The following MLIP variants were observed in gnomAD, a reference collection of about 807,000 sequenced individuals.
The protein encoded by MLIP is muscular LMNA-interacting protein.
In MLIP, 79 loss-of-function variants were observed where a neutral mutation model predicts 84.8. The ratio of observed to expected loss-of-function variants is 0.93; its 90% confidence interval spans 0.78 to 1.12. The LOEUF is 1.12. MLIP is among the 50% of genes most tolerant of loss of function. The pLI, the probability that MLIP is intolerant of heterozygous loss-of-function variation, is 0.00. For missense variants in MLIP, 1,257 were observed against 1,160.6 expected (o/e 1.08, Z -1.21); for synonymous variants, 504 against 463.0 (o/e 1.09, Z -1.14).
At chr6:54,187,561 C>A (rs569812130) in intron 9 of MLIP, among the ~76,000 whole-genome samples, 3 of 152,116 alleles carry the variant, frequency 2.0e-5, no homozygotes, top group Non-Finnish European at 4.4e-5. Flanking sequence ...ACTTCAATTG[C>A]CATGTTAAAC....
intron 1 of MLIP, among the ~76,000 whole-genome samples, chr6:54,069,618 T>C (rs9395901): frequency 0.15 from 14,579 of 98,772 alleles, 5,285 homozygotes; most frequent in East Asian, 0.63. Flanking sequence ...GTAAGTGTTA[T>C]ATAAAGAGTT....
chr6:54,153,301 C>A (rs1019313235), intron 5 of MLIP, among the ~76,000 whole-genome samples: 9 of 152,078 alleles, frequency 5.9e-5, no homozygotes, highest in African/African-American at 2.2e-4. Context: ...TGTCAACTGT[C>A]AAGTCTATTT....
chr6:54,101,328 TTACTC>T (rs1478602761), intron 1 of MLIP, among the ~76,000 whole-genome samples: 1 of 152,100 alleles, frequency 6.6e-6, no homozygotes, highest in Non-Finnish European at 1.5e-5. Context: ...TCTCATACAT[TTACTC>T]TACCCTAAAA....
intron 11 of MLIP, among the ~76,000 whole-genome samples, chr6:54,214,490 C>G (rs760361270): frequency 8.5e-5 from 13 of 152,192 alleles, no homozygotes; most frequent in African/African-American, 1.2e-4. Context: ...CCTATTGAGA[C>G]TTCTGTTCTT....
chr6:54,236,422 G>A (rs1211972535), intron 12 of MLIP, among the ~76,000 whole-genome samples: 1 of 152,164 alleles, frequency 6.6e-6, no homozygotes, highest in Non-Finnish European at 1.5e-5. Flanking sequence ...CCAACATGGT[G>A]AAACCACGTC....
intron 4 of MLIP, among the ~76,000 whole-genome samples, chr6:54,140,841 T>G (rs551489994): frequency 6.6e-6 from 1 of 152,304 alleles, no homozygotes; most frequent in Admixed American, 6.5e-5. Flanking sequence ...TAGGAAGAAA[T>G]AGACAAATGC....
intron 1 of MLIP, among the ~76,000 whole-genome samples, chr6:54,119,576 A>G (rs926325668): frequency 3.3e-5 from 5 of 152,202 alleles, no homozygotes; most frequent in African/African-American, 9.6e-5. Flanking sequence ...TGGTCAAAAT[A>G]TATATAATTA....
At chr6:54,265,474 G>A (rs1232160801) in intron 13 of MLIP, among the ~76,000 whole-genome samples, 1 of 152,072 alleles carries the variant, frequency 6.6e-6, no homozygotes, top group Non-Finnish European at 1.5e-5. Context: ...ATTTGGTCTT[G>A]GTCTTTTGTA....
intron 11 of MLIP, among the ~76,000 whole-genome samples, chr6:54,210,137 T>TCACCTCACCTCACCTCACCG (rs1554185042): frequency 8.6e-5 from 13 of 151,846 alleles, no homozygotes; most frequent in South Asian, 2.1e-4. Context: ...CCACCTCACC[T>TCACCTCACCTCACCTCACCG]CACCGCACCG....
At chr6:54,129,738 A>T (rs1022920280) in intron 3 of MLIP, among the ~76,000 whole-genome samples, 3 of 152,198 alleles carry the variant, frequency 2.0e-5, no homozygotes, top group Admixed American at 1.3e-4. Flanking sequence ...CATTTATATT[A>T]AGAAGCTGGG....
chr6:54,062,728 T>C (rs1187673330), intron 1 of MLIP, among the ~76,000 whole-genome samples: 1 of 150,646 alleles, frequency 6.6e-6, no homozygotes, highest in African/African-American at 2.5e-5. Context: ...TTTTTTAATT[T>C]TTTAAAATAA....
At chr6:54,154,313 G>A (rs961991103) in intron 5 of MLIP, among the ~76,000 whole-genome samples, 1 of 152,030 alleles carries the variant, frequency 6.6e-6, no homozygotes, top group African/African-American at 2.4e-5. Context: ...AAATAGCAAA[G>A]GATCTTTCTT....
intron 12 of MLIP, among the ~76,000 whole-genome samples, chr6:54,244,027 A>T (rs1781912014): frequency 6.6e-6 from 1 of 152,188 alleles, no homozygotes; most frequent in Non-Finnish European, 1.5e-5. Flanking sequence ...TGGCTAACAG[A>T]ACCACTAAAC....
chr6:54,062,094 A>G (rs1056011912), intron 1 of MLIP, among the ~76,000 whole-genome samples: 4 of 152,246 alleles, frequency 2.6e-5, no homozygotes, highest in Non-Finnish European at 5.9e-5. Context: ...AGGTAATAGC[A>G]TATGGAAACA....
intron 11 of MLIP, among the ~76,000 whole-genome samples, chr6:54,223,947 G>A (rs1309188088): frequency 6.6e-6 from 1 of 151,764 alleles, no homozygotes; most frequent in Non-Finnish European, 1.5e-5. Context: ...AATTTATAAT[G>A]TAAAAATGCT....
intron 11 of MLIP, among the ~76,000 whole-genome samples, chr6:54,227,096 A>G (rs1780627590): frequency 6.6e-6 from 1 of 152,224 alleles, no homozygotes; most frequent in South Asian, 2.1e-4. Flanking sequence ...TTCTCATGAG[A>G]TCAGGTTGTT....
At position 54,257,288 on chromosome 6, in the gene MLIP, T is replaced by G; in HGVS notation, c.2923-20T>G. On this transcript the variant is annotated intron_variant, in intron 12 of 13. Transcript: ENST00000502396. ...CTCACTTCTACTCCTGATCATATCC[T>G]GGGCATCTTTTCTGTGAAGCTGAGT... 6.2e-7 allele frequency: 1 copy of G among 1,601,530 alleles called. No homozygotes were observed. Among genetic ancestry groups the G allele is most frequent in the Non-Finnish European group, 8.5e-7 (1 of 1,170,288 alleles).
intron 12 of MLIP, among the ~76,000 whole-genome samples, chr6:54,240,222 G>A (rs1251303703): frequency 6.6e-6 from 1 of 152,160 alleles, no homozygotes; most frequent in Non-Finnish European, 1.5e-5. Context: ...TCCAACTTCA[G>A]TATTCAGCTT....
chr6:54,154,083 A>T (rs936434878), intron 5 of MLIP, among the ~76,000 whole-genome samples: 10 of 152,192 alleles, frequency 6.6e-5, no homozygotes, highest in Admixed American at 3.9e-4. Flanking sequence ...ATCAAATTGT[A>T]TTTAATTATG....
Sources: gnomAD v4.1 joint callset for allele counts (sites outside exome capture counted in the v4.1 genomes callset) on GRCh38, gnomAD v4.1.1 for gene constraint, MANE v1.5 for transcripts, NCBI Gene and HGNC (gene_info 2026-07-23, HGNC 2026-07-21) for gene names.